JPH2: variants seen among roughly 807,000 people sequenced by gnomAD.
The protein encoded by JPH2 is junctophilin 2.
A neutral mutation model predicts 55.9 loss-of-function variants in JPH2; 38 were observed. That is an observed-to-expected ratio of 0.68 (90% CI 0.52 to 0.89). JPH2 has a LOEUF of 0.89. Ranked by LOEUF, JPH2 falls within the 40% of genes least tolerant of loss-of-function variation. JPH2 has a pLI of 0.00. For synonymous variants in JPH2, 480 were observed against 472.4 expected (o/e 1.02, Z -0.21); for missense variants, 964 against 1,037.6 (o/e 0.93, Z 0.97).
chr20:44,145,152 C>T (rs1335787464), intron 2 of JPH2, among the ~76,000 whole-genome samples: 1 of 152,074 alleles, frequency 6.6e-6, no homozygotes, highest in African/African-American at 2.4e-5. Flanking sequence ...GCCCTTCCAG[C>T]ACTGATCCGA....
At chr20:44,174,782 C>T (rs1044196199) in intron 1 of JPH2, among the ~76,000 whole-genome samples, 7 of 152,110 alleles carry the variant, frequency 4.6e-5, no homozygotes, top group Non-Finnish European at 1.0e-4. Flanking sequence ...GGGTGGATCT[C>T]TTGAGCTCAG....
Position 44,160,943 on chromosome 20 carries a change from G to A in JPH2, c.380-536C>T, listed in dbSNP as rs1189341420. Among the ~76,000 whole-genome samples the A allele has an allele frequency of 6.6e-6, 1 of 152,142 alleles. No homozygotes were observed. Among genetic ancestry groups the A allele is most frequent in the Non-Finnish European group, 1.5e-5 (1 of 68,018 alleles). On this transcript the variant is annotated intron_variant, in intron 1 of 5. Coordinates refer to ENST00000372980, the MANE Select transcript of JPH2 (RefSeq NM_020433.5). This position sits in a 1 kb window ranked among gnomAD's most constrained non-coding sequence, Gnocchi z 4.9. ...ACAAAAAAATTAGTCAGGCGTGGTG[G>A]CATGCACCTGTGGTCCCAGCTACTA...
intron 2 of JPH2, among the ~76,000 whole-genome samples, chr20:44,128,520 G>A (rs2072292965): frequency 6.6e-6 from 1 of 151,952 alleles, no homozygotes; most frequent in Non-Finnish European, 1.5e-5. Context: ...CCCATGGGGT[G>A]GGTGACATGT....
intron 2 of JPH2, among the ~76,000 whole-genome samples, chr20:44,152,406 T>C (rs2072537487): frequency 6.6e-6 from 1 of 152,162 alleles, no homozygotes; most frequent in Non-Finnish European, 1.5e-5. Context: ...CTGGGCACGG[T>C]AGCTCACATC....
chr20:44,114,225 T>A (rs1228486368), intron 5 of JPH2, among the ~76,000 whole-genome samples: 1 of 152,114 alleles, frequency 6.6e-6, no homozygotes, highest in Non-Finnish European at 1.5e-5. Context: ...AGGGAACCAA[T>A]GGGCAGAGGA....
At chr20:44,137,195 C>T (rs1447779069) in intron 2 of JPH2, among the ~76,000 whole-genome samples, 1 of 152,194 alleles carries the variant, frequency 6.6e-6, no homozygotes. Flanking sequence ...CTGGGGCTCG[C>T]CTGCCCAGGA....
intron 2 of JPH2, among the ~76,000 whole-genome samples, chr20:44,134,615 A>T (rs2072383862): frequency 9.5e-4 from 4 of 4,230 alleles, no homozygotes; most frequent in African/African-American, 3.0e-3. Context: ...TTATAAATAT[A>T]ATAAATATAT....
intron 1 of JPH2, among the ~76,000 whole-genome samples, chr20:44,174,090 A>C (rs1485430515): frequency 6.6e-6 from 1 of 152,200 alleles, no homozygotes; most frequent in Non-Finnish European, 1.5e-5. Context: ...CCACTTCCGC[A>C]GGTAGCCACA....
chr20:44,132,347 G>GACACACACACACACACACACAC (rs1440487442), intron 2 of JPH2, among the ~76,000 whole-genome samples: 1 of 88,784 alleles, frequency 1.1e-5, no homozygotes, highest in Non-Finnish European at 2.2e-5. Flanking sequence ...AAGGGAGGCA[G>GACACACACACACACACACACAC]ACAGACAGAC....
intron 2 of JPH2, among the ~76,000 whole-genome samples, chr20:44,149,962 GGAAAAAAAAAAAAA>G (rs769378909): frequency 5.1e-5 from 6 of 116,758 alleles, no homozygotes; most frequent in African/African-American, 1.2e-4. Context: ...GGGCGACAGA[GGAAAAAAAAAAAAA>G]AAAAAAAAAA....
At chr20:44,123,406 A>G (rs1259824280) in intron 2 of JPH2, among the ~76,000 whole-genome samples, 1 of 152,016 alleles carries the variant, frequency 6.6e-6, no homozygotes, top group Non-Finnish European at 1.5e-5. Flanking sequence ...GCTCACTCCT[A>G]CAGCTGCTCC....
chr20:44,122,899 G>A (rs2072248428), intron 2 of JPH2, among the ~76,000 whole-genome samples: 1 of 152,190 alleles, frequency 6.6e-6, no homozygotes, highest in Non-Finnish European at 1.5e-5. Flanking sequence ...GAAACCCCAG[G>A]AGGGAGGAGG....
intron 1 of JPH2, among the ~76,000 whole-genome samples, chr20:44,165,303 C>CAA (rs796812111): frequency 2.8e-5 from 4 of 145,334 alleles, no homozygotes; most frequent in Middle Eastern, 3.3e-3. Flanking sequence ...AAAAAAAAAA[C>CAA]AAAAAAAACA....
At chr20:44,169,035 G>T (rs1296812825) in intron 1 of JPH2, among the ~76,000 whole-genome samples, 1 of 152,164 alleles carries the variant, frequency 6.6e-6, no homozygotes, top group Non-Finnish European at 1.5e-5. Flanking sequence ...GCACACACCA[G>T]CTCCCCTTCA....
intron 2 of JPH2, among the ~76,000 whole-genome samples, chr20:44,148,022 C>T (rs563583678): frequency 3.3e-5 from 5 of 152,018 alleles, no homozygotes; most frequent in South Asian, 2.1e-4. Context: ...AATTAGCCAG[C>T]GGTAGTGGCA....
Position 44,111,572 on chromosome 20 carries a change from C to T in JPH2, c.*1946G>A, listed in dbSNP as rs1435978349. On this transcript the variant is annotated 3_prime_UTR_variant, in exon 6 of 6. Coordinates refer to ENST00000372980, the MANE Select transcript of JPH2 (RefSeq NM_020433.5). ...TCAAACTGAAGCCCTTCAGCTGCCC[C>T]TCAAGGATCGTGAGAACAAGGACAC... 6.6e-6 allele frequency: 1 copy of T among 152,258 alleles called. No homozygotes were observed. Among genetic ancestry groups the T allele is most frequent in the Admixed American group, 6.5e-5 (1 of 15,270 alleles). 9.4% of individuals were successfully genotyped at this position (152,258 alleles called of 1,614,324 possible).
At chr20:44,114,210 C>T (rs368327943) in intron 5 of JPH2, among the ~76,000 whole-genome samples, 1 of 152,108 alleles carries the variant, frequency 6.6e-6, no homozygotes, top group African/African-American at 2.4e-5. Flanking sequence ...GGGGAAAAAA[C>T]TGAGAGGGAA....
At chr20:44,135,019 AG>A (rs1348574747) in intron 2 of JPH2, among the ~76,000 whole-genome samples, 1 of 146,468 alleles carries the variant, frequency 6.8e-6, no homozygotes, top group Non-Finnish European at 1.5e-5. Context: ...CAAGAGGGGT[AG>A]GGGGGATGCC....
At chr20:44,185,378 A>G (rs999686092) in intron 1 of JPH2, among the ~76,000 whole-genome samples, 1 of 151,950 alleles carries the variant, frequency 6.6e-6, no homozygotes, top group African/African-American at 2.4e-5. Flanking sequence ...AATCCCAGCA[A>G]TTTGGGAGGC....
Sources: allele counts gnomAD v4.1 joint callset (sites outside exome capture counted in the v4.1 genomes callset), GRCh38; gene constraint gnomAD v4.1.1; non-coding constraint Gnocchi (gnomAD v3.1); transcripts MANE v1.5; gene names NCBI Gene and HGNC (gene_info 2026-07-23, HGNC 2026-07-21).